The following TRPC6 variants were observed in gnomAD, a reference collection of about 807,000 sequenced individuals.
TRPC6 encodes transient receptor potential cation channel subfamily C member 6.
A neutral mutation model predicts 90.7 loss-of-function variants in TRPC6; 55 were observed. The ratio of observed to expected loss-of-function variants is 0.61; its 90% CI spans 0.49 to 0.76. The LOEUF is 0.76. Among genes scored for constraint, TRPC6 ranks in the 30% least tolerant of loss-of-function variants. TRPC6 has a pLI of 0.00. For missense variants in TRPC6, 989 were observed against 1,122.7 expected (o/e 0.88, Z 1.70); for synonymous variants, 393 against 393.0 (o/e 1.00, Z 0.00).
At position 101,452,746 on chromosome 11, in the gene TRPC6, T is replaced by C. The variant is rs1858791880; in HGVS notation, c.*209A>G. The C allele has an allele frequency of 3.5e-6, 2 of 572,282 alleles. No homozygotes were observed. Among genetic ancestry groups the C allele is most frequent in the Non-Finnish European group, 6.2e-6 (2 of 324,424 alleles). 35.5% of individuals were successfully genotyped at this position (572,282 alleles called of 1,614,324 possible). On this transcript the variant is annotated 3_prime_UTR_variant, in exon 13 of 13. Coordinates refer to ENST00000344327, the MANE Select transcript of TRPC6 (RefSeq NM_004621.6). Reference sequence around the variant, plus strand: ...CAAGCACCAAACAACTGGGCATAATTTTCCTCATTATCTACAGCCTTTACC... The same window carrying C: ...CAAGCACCAAACAACTGGGCATAATCTTCCTCATTATCTACAGCCTTTACC...
At chr11:101,464,372 C>G (rs984546626) in intron 10 of TRPC6, among the ~76,000 whole-genome samples, 2 of 152,112 alleles carry the variant, frequency 1.3e-5, no homozygotes, top group Non-Finnish European at 2.9e-5. Context: ...GTTGATCTGT[C>G]TAATATTGAG....
At chr11:101,575,882 G>A (rs973683569) in intron 1 of TRPC6, among the ~76,000 whole-genome samples, 5 of 152,138 alleles carry the variant, frequency 3.3e-5, no homozygotes, top group South Asian at 2.1e-4. Context: ...CAGAGCCAAC[G>A]TGTGGCTTTC....
Position 101,540,738 on chromosome 11 carries a change from T to G in TRPC6, c.171-35940A>C, listed in dbSNP as rs6590881. Among the ~76,000 whole-genome samples the G allele has an allele frequency of 3.3e-4, 50 of 152,198 alleles. 2 individuals are homozygous for G. The highest frequency in any genetic ancestry group is 2.4e-3 in the Admixed American group (36 of 15,300). On this transcript the variant is annotated intron_variant, in intron 1 of 12. Coordinates refer to ENST00000344327, the MANE Select transcript of TRPC6 (RefSeq NM_004621.6). ...CTGAAATACTGAAACAATTTGAGTA[T>G]GAACTCTAAAGAAAGATGAGTTAAA... is the stretch of plus-strand genomic sequence containing the variant.
intron 1 of TRPC6, among the ~76,000 whole-genome samples, chr11:101,559,707 G>A (rs6590887): frequency 0.99 from 146,838 of 148,306 alleles, 72,716 homozygotes; most frequent in East Asian, 1. Flanking sequence ...ATATGTATAC[G>A]TGTGCCATGT....
intron 1 of TRPC6, among the ~76,000 whole-genome samples, chr11:101,573,396 T>C (rs375741417): frequency 9.8e-5 from 15 of 152,340 alleles, no homozygotes; most frequent in African/African-American, 3.6e-4. Flanking sequence ...GAACCATTAA[T>C]TCTTTGGCAA....
At position 101,476,469 on chromosome 11, in the gene TRPC6, A is replaced by C; in HGVS notation, c.1576T>G (p.Trp526Gly). 6.2e-7 allele frequency: 1 copy of C among 1,614,168 alleles called. No homozygotes were observed. The change falls in exon 6 of 13, where the codon TGG becomes GGG. Residue 526 changes from tryptophan (W) to glycine (G), a missense_variant. Physicochemically the swap from Trp to Gly is radical, Grantham distance 184. Coordinates refer to ENST00000344327, the MANE Select transcript of TRPC6 (RefSeq NM_004621.6). The stretch of plus-strand genomic sequence containing the variant: ...AACATACCAAAATCAAGCATGTTCC[A>C]CAACTCAAACAAATATTCCTTGGGG... ...QGPKEYLFEL[W>G]NMLDFGMLAI...
chr11:101,526,387 G>C (rs1376901653), intron 1 of TRPC6, among the ~76,000 whole-genome samples: 2 of 152,038 alleles, frequency 1.3e-5, no homozygotes, highest in Non-Finnish European at 2.9e-5. Flanking sequence ...TACATGCTTT[G>C]AACTTAAAAA....
chr11:101,541,213 T>C (rs188094665), intron 1 of TRPC6, among the ~76,000 whole-genome samples: 4 of 152,214 alleles, frequency 2.6e-5, no homozygotes, highest in African/African-American at 9.6e-5. Context: ...AGTCTTTTTG[T>C]TTTTTTCTAT....
intron 10 of TRPC6, among the ~76,000 whole-genome samples, chr11:101,458,699 G>A (rs948427110): frequency 2.0e-5 from 3 of 152,146 alleles, no homozygotes; most frequent in African/African-American, 2.4e-5. Context: ...TAAAGGATAC[G>A]GTCAGAGATA....
chr11:101,453,845 A>G lies in TRPC6; in HGVS notation c.2569-120T>C, dbSNP rs1391531066. On this transcript the variant is annotated intron_variant, in intron 11 of 12. Coordinates refer to ENST00000344327, the MANE Select transcript of TRPC6 (RefSeq NM_004621.6). ...AGCCCTTTGGAAGTGATGGCTGTCA[A>G]GGACTAAGATGATTCAGCCAGGATG... 3 of 928,438 alleles carry G rather than the reference A, an allele frequency of 3.2e-6. No homozygotes were observed. In the African/African-American group the frequency reaches 4.9e-5, roughly 15 times the overall value. The allele number at this position is 928,438 out of a possible 1,614,324, so 57.5% of individuals were successfully genotyped here.
chr11:101,526,364 C>T (rs1860779465), intron 1 of TRPC6, among the ~76,000 whole-genome samples: 1 of 152,144 alleles, frequency 6.6e-6, no homozygotes, highest in Non-Finnish European at 1.5e-5. Flanking sequence ...ACCTCAGAAA[C>T]TTTTCTATAA....
rs1393152853 is a variant in TRPC6, at chr11:101,565,360, T to C, written c.170+17974A>G. ...GCAAAATGTTCATCCTTTGGGGAAA[T>C]TTTACCCTAAAAATCTTGGGTGATT... On this transcript the variant is annotated intron_variant, in intron 1 of 12. Transcript: ENST00000344327. Among the ~76,000 whole-genome samples, 3 of 152,172 alleles carry C rather than the reference T, an allele frequency of 2.0e-5. No homozygotes were observed. In the East Asian group the frequency reaches 5.8e-4, roughly 29 times the overall value.
intron 6 of TRPC6, among the ~76,000 whole-genome samples, chr11:101,475,672 T>C (rs1368635860): frequency 7.2e-6 from 1 of 138,700 alleles, no homozygotes; most frequent in African/African-American, 3.3e-5. Context: ...CATTACCTTC[T>C]ACTTCTTTGA....
At chr11:101,497,217 C>T (rs940371356) in intron 2 of TRPC6, among the ~76,000 whole-genome samples, 1 of 152,178 alleles carries the variant, frequency 6.6e-6, no homozygotes, top group African/African-American at 2.4e-5. Context: ...ATAGCATAGA[C>T]TGTAAATAAC....
chr11:101,512,247 C>G (rs556688671), intron 1 of TRPC6, among the ~76,000 whole-genome samples: 3 of 152,210 alleles, frequency 2.0e-5, no homozygotes, highest in African/African-American at 7.2e-5. Context: ...TACATCACAC[C>G]CTGCCTTAGT....
chr11:101,533,191 G>A (rs1027859458), intron 1 of TRPC6, among the ~76,000 whole-genome samples: 3 of 152,286 alleles, frequency 2.0e-5, no homozygotes, highest in Middle Eastern at 3.4e-3. Flanking sequence ...AGACATACCT[G>A]AGACTGGGTA....
intron 1 of TRPC6, among the ~76,000 whole-genome samples, chr11:101,582,920 C>T (rs915971950): frequency 2.0e-5 from 3 of 152,064 alleles, no homozygotes; most frequent in African/African-American, 4.8e-5. Context: ...ATCTCTCCCC[C>T]ACATAGGCTA....
intron 6 of TRPC6, among the ~76,000 whole-genome samples, chr11:101,475,833 T>G (rs1859401243): frequency 6.7e-6 from 1 of 150,038 alleles, no homozygotes; most frequent in Admixed American, 6.6e-5. Flanking sequence ...TGGAATACTA[T>G]TCCATTGCAC....
chr11:101,550,761 C>A (rs974782454), intron 1 of TRPC6, among the ~76,000 whole-genome samples: 1 of 151,604 alleles, frequency 6.6e-6, no homozygotes, highest in African/African-American at 2.4e-5. Context: ...TATAACCTCA[C>A]TGGACTGGAA....
Sources: gnomAD v4.1 joint callset for allele counts (sites outside exome capture counted in the v4.1 genomes callset) on GRCh38, gnomAD v4.1.1 for gene constraint, MANE v1.5 for transcripts, NCBI Gene and HGNC (gene_info 2026-07-23, HGNC 2026-07-21) for gene names.